Variants in TAF1 observed in about 807,000 individuals in gnomAD.
TAF1 encodes the protein transcription initiation factor TFIID subunit 1.
Under a neutral mutation model 138.5 loss-of-function variants are expected in TAF1, and 2 were observed. The observed-to-expected ratio is 0.01, with a 90% CI of 0.01 to 0.05. TAF1 has a LOEUF of 0.05. Among genes scored for constraint, TAF1 ranks in the 10% least tolerant of loss-of-function variants. The pLI is 1.00. For missense variants in TAF1, 709 were observed against 1,478.0 expected, an observed-to-expected ratio of 0.48 and a Z score of 8.53; for synonymous variants, 437 against 503.2, an observed-to-expected ratio of 0.87 and a Z score of 1.76.
chrX:71,487,702 C>T (rs1443249125), intron 13 of TAF1, among the ~76,000 whole-genome samples: 1 of 112,245 alleles, frequency 8.9e-6, no homozygotes, highest in Non-Finnish European at 1.9e-5. Context: ...TCTCCTGTAT[C>T]TCTACTTAAC....
intron 13 of TAF1, among the ~76,000 whole-genome samples, chrX:71,474,513 C>T (rs1382113032): frequency 9.0e-6 from 1 of 111,378 alleles, no homozygotes; most frequent in Admixed American, 9.7e-5. Flanking sequence ...CTATTATTGG[C>T]AGACAAGGAA....
intron 28 of TAF1, among the ~76,000 whole-genome samples, chrX:71,421,072 G>A (rs778955464): frequency 9.7e-5 from 11 of 112,829 alleles, no homozygotes; most frequent in Non-Finnish European, 1.9e-4. Context: ...TAGTACTACT[G>A]TGTGTAGATA....
chrX:71,493,803 G>A (rs2039343130), intron 13 of TAF1, among the ~76,000 whole-genome samples: 1 of 108,994 alleles, frequency 9.2e-6, no homozygotes, highest in African/African-American at 3.3e-5. Flanking sequence ...GGCAACACAG[G>A]GAGACCTCCA....
intron 3 of TAF1, among the ~76,000 whole-genome samples, chrX:71,370,195 A>G (rs2032940996): frequency 8.9e-6 from 1 of 112,069 alleles, no homozygotes; most frequent in Admixed American, 9.4e-5. Flanking sequence ...GCTGCATTCC[A>G]GCCTGGGCGG....
chrX:71,454,069 T>C, intron 32 of TAF1, 101 bp from the exon 33 acceptor site: 1 of 733,977 alleles, frequency 1.4e-6, no homozygotes, highest in Non-Finnish European at 2.0e-6. Flanking sequence ...TGAGGCATGG[T>C]TTTTCTAGGT....
At chrX:71,524,786 C>CA (rs1307357751) in intron 13 of TAF1, among the ~76,000 whole-genome samples, 2 of 108,797 alleles carry the variant, frequency 1.8e-5, no homozygotes, top group African/African-American at 6.7e-5. Flanking sequence ...ACTAAAAATA[C>CA]AAAAATCAGC....
intron 13 of TAF1, among the ~76,000 whole-genome samples, chrX:71,476,195 T>C (rs1016104878): frequency 1.8e-5 from 2 of 111,949 alleles, no homozygotes; most frequent in African/African-American, 6.5e-5. Context: ...ATCTATGAAT[T>C]CCAAGGCAGT....
chrX:71,473,499 TA>T (rs918293897), intron 13 of TAF1, among the ~76,000 whole-genome samples: 8 of 110,208 alleles, frequency 7.3e-5, no homozygotes, highest in African/African-American at 2.6e-4. Context: ...ATACATCTCT[TA>T]AAAAAAATTT....
chrX:71,497,075 C>G (rs1285040976), intron 13 of TAF1, among the ~76,000 whole-genome samples: 1 of 112,187 alleles, frequency 8.9e-6, no homozygotes, highest in Non-Finnish European at 1.9e-5. Context: ...ACTAGTTCTG[C>G]TAACTGGGTG....
chrX:71,401,416 G>A, intron 24 of TAF1, 112 bp from the exon 25 acceptor site: 2 of 969,502 alleles, frequency 2.1e-6, no homozygotes, highest in Non-Finnish European at 2.8e-6. Flanking sequence ...TGGGGGTCCT[G>A]GAACCAATCC....
At chrX:71,387,557 G>T in intron 15 of TAF1, 96 bp downstream of exon 15, 1 of 993,494 alleles carries the variant, frequency 1.0e-6, no homozygotes, top group Non-Finnish European at 1.4e-6. Context: ...CCAGCACTTT[G>T]GGAGGCCGCG....
At chrX:71,456,666 T>TTTTTTTTTTTTTTTG (rs2038307202) in intron 34 of TAF1, among the ~76,000 whole-genome samples, 1 of 35,560 alleles carries the variant, frequency 2.8e-5, no homozygotes, top group African/African-American at 1.1e-4. Flanking sequence ...TTTTTTTTTT[T>TTTTTTTTTTTTTTTG]TTTTTTTTTT....
Position 71,388,196 on chromosome X carries a change from C to G in TAF1, c.2428-41C>G, listed in dbSNP as rs762490775. 4 of 1,202,450 alleles carry G rather than the reference C, an allele frequency of 3.3e-6. No individual in the cohort carries two copies. The South Asian group carries it at 7.2e-5, about 22-fold the overall frequency. The stretch of plus-strand genomic sequence containing the variant: ...AGAGGCCCTAGTGAGGACTTTTATC[C>G]TTTTCTTTGCCAAATAAAATACACT... On this transcript the variant is annotated intron_variant, in intron 15 of 37. Transcript: ENST00000423759.
At chrX:71,379,683 A>G (rs184471290) in intron 8 of TAF1, among the ~76,000 whole-genome samples, 46 of 103,279 alleles carry the variant, frequency 4.5e-4, no homozygotes, top group Admixed American at 4.0e-3. Flanking sequence ...GCTCACTGCA[A>G]TCTCTCCCTC....
intron 13 of TAF1, among the ~76,000 whole-genome samples, chrX:71,504,788 A>G (rs1209506773): frequency 9.4e-6 from 1 of 105,868 alleles, no homozygotes; most frequent in Non-Finnish European, 1.9e-5. Context: ...AGAAAAAAGA[A>G]AAAAAGTAAA....
intron 32 of TAF1, among the ~76,000 whole-genome samples, chrX:71,426,833 T>G (rs762977844): frequency 4.5e-4 from 50 of 111,680 alleles, no homozygotes; most frequent in Non-Finnish European, 6.8e-4. Flanking sequence ...GTGCTATACT[T>G]GAGTTTGTAC....
At chrX:71,458,101 A>G in intron 34 of TAF1, 140 bp from the exon 35 acceptor site, 2 of 834,737 alleles carry the variant, frequency 2.4e-6, no homozygotes, top group Non-Finnish European at 3.3e-6. Context: ...ACTTGTCTGT[A>G]AAGCTGTGTC....
chrX:71,482,094 A>C (rs1472939711), intron 13 of TAF1, among the ~76,000 whole-genome samples: 3 of 111,710 alleles, frequency 2.7e-5, no homozygotes, highest in Non-Finnish European at 5.6e-5. Flanking sequence ...CCTTATGATC[A>C]CAGGATGGCT....
At chrX:71,467,484 TAAGGATG>T (rs1289643209), downstream of TAF1, among the ~76,000 whole-genome samples, 21 of 111,955 alleles carry the variant, frequency 1.9e-4, no homozygotes, top group African/African-American at 6.5e-4. Context: ...GAGGTTTCAG[TAAGGATG>T]CCATTCACTT....
Sources: gnomAD v4.1 joint callset for allele counts (sites outside exome capture counted in the v4.1 genomes callset) on GRCh38, gnomAD v4.1.1 for gene constraint, MANE v1.5 for transcripts, NCBI Gene and HGNC (gene_info 2026-07-23, HGNC 2026-07-21) for gene names.